Variants in MELK observed in about 807,000 individuals in gnomAD.
The protein encoded by MELK is pEg3 kinase.
A neutral mutation model predicts 85.0 loss-of-function variants in MELK; 81 were observed. The ratio of observed to expected loss-of-function variants is 0.95; its 90% CI spans 0.80 to 1.15. The LOEUF is 1.15. Ranked by LOEUF, MELK falls within the 50% of genes most tolerant of loss-of-function variation. The pLI, the probability that MELK is intolerant of heterozygous loss-of-function variation, is 0.00. For synonymous variants in MELK, 252 were observed against 265.0 expected (o/e 0.95, Z 0.48); for missense variants, 754 against 777.5 (o/e 0.97, Z 0.36).
At chr9:36,628,143 A>G (rs1301340394) in intron 8 of MELK, among the ~76,000 whole-genome samples, 3 of 151,890 alleles carry the variant, frequency 2.0e-5, no homozygotes, top group Non-Finnish European at 4.4e-5. Context: ...TCGGCCTTCC[A>G]AAGTGCTGGG....
Position 36,597,220 on chromosome 9 carries a change from A to G in MELK, c.406-2A>G. The G allele has an allele frequency of 6.2e-7, 1 of 1,611,940 alleles. No homozygotes were observed. The highest frequency in any genetic ancestry group is 8.5e-7 in the Non-Finnish European group (1 of 1,178,024). On this transcript the variant is annotated splice_acceptor_variant, in intron 5 of 17. Transcript: ENST00000298048. LOFTEE classifies it high-confidence loss of function. ...GTTATCAAAATATCTTTGTTTTCCC[A>G]GGAAAATTTGCTGTTTGATGAATAT...
chr9:36,620,138 C>T (rs1451662289), intron 8 of MELK, among the ~76,000 whole-genome samples: 2 of 152,164 alleles, frequency 1.3e-5, no homozygotes, highest in Non-Finnish European at 2.9e-5. Context: ...CCCTAGCAGT[C>T]AAGCTGGCAG....
At chr9:36,609,718 C>G (rs1273032429) in intron 8 of MELK, among the ~76,000 whole-genome samples, 1 of 152,142 alleles carries the variant, frequency 6.6e-6, no homozygotes, top group African/African-American at 2.4e-5. Flanking sequence ...TTGCAAAGTG[C>G]TGAGATTACA....
At chr9:36,657,538 G>A (rs1831373581) in intron 13 of MELK, among the ~76,000 whole-genome samples, 175 bp downstream of exon 13, 1 of 152,154 alleles carries the variant, frequency 6.6e-6, no homozygotes, top group African/African-American at 2.4e-5. Flanking sequence ...TATCCAAGTT[G>A]AAGAAAGCCA....
chr9:36,652,149 C>T (rs562393932), intron 12 of MELK, among the ~76,000 whole-genome samples: 5 of 142,406 alleles, frequency 3.5e-5, no homozygotes, highest in East Asian at 2.2e-4. Context: ...GGGATTCAAG[C>T]GATTCTTGTG....
intron 4 of MELK, among the ~76,000 whole-genome samples, chr9:36,590,520 C>T (rs1823429913): frequency 6.6e-6 from 1 of 152,172 alleles, no homozygotes; most frequent in African/African-American, 2.4e-5. Flanking sequence ...AGCTGTGTCT[C>T]TGTCCAAATG....
rs951521478 is a variant in MELK at position 36,630,364 on chromosome 9, G to T, written c.732G>T (p.Leu244=). ...PSSILLLQQM[L]QVDPKKRISM... ...GCATTCTGCTTCTTCAACAAATGCT[G>T]CAGGTAAACTTTATTTTTAAATAAT... The change falls in exon 9 of 18, where the codon CTG becomes CTT. Residue 244 remains leucine (L), a synonymous_variant. Transcript: ENST00000298048. The T allele has an allele frequency of 1.2e-6, 2 of 1,602,478 alleles. No individual in the cohort carries two copies. Among genetic ancestry groups the T allele is most frequent in the Non-Finnish European group, 1.7e-6 (2 of 1,171,408 alleles).
intron 14 of MELK, among the ~76,000 whole-genome samples, chr9:36,667,680 C>A (rs1471171807): frequency 2.0e-5 from 3 of 152,208 alleles, no homozygotes; most frequent in Non-Finnish European, 4.4e-5. Context: ...CTTAAGGAAG[C>A]AAGTGGCTGA....
At chr9:36,592,050 G>T (rs749656438) in intron 4 of MELK, among the ~76,000 whole-genome samples, 4 of 151,906 alleles carry the variant, frequency 2.6e-5, no homozygotes, top group Non-Finnish European at 5.9e-5. Flanking sequence ...GGGGGTCTTG[G>T]CCTGTTGCCC....
chr9:36,660,729 C>T (rs1023329144), intron 13 of MELK, among the ~76,000 whole-genome samples: 3 of 151,820 alleles, frequency 2.0e-5, no homozygotes, highest in African/African-American at 4.8e-5. Context: ...CAGTGGCTCA[C>T]GCCTGTAATC....
intron 8 of MELK, among the ~76,000 whole-genome samples, chr9:36,616,076 C>G (rs373680945): frequency 6.6e-6 from 1 of 152,078 alleles, no homozygotes. Flanking sequence ...CGGCGCTCGC[C>G]GGCGCGGTGG....
chr9:36,613,616 T>C (rs1315078007), intron 8 of MELK, among the ~76,000 whole-genome samples: 4 of 151,994 alleles, frequency 2.6e-5, no homozygotes, highest in African/African-American at 9.7e-5. Context: ...GGTTGCATGA[T>C]TAAATAAGGT....
chr9:36,641,785 T>A (rs1348454045), intron 10 of MELK, among the ~76,000 whole-genome samples: 2 of 151,964 alleles, frequency 1.3e-5, no homozygotes, highest in Non-Finnish European at 2.9e-5. Context: ...TTTTGTATTT[T>A]TAGTAGAGAC....
intron 10 of MELK, among the ~76,000 whole-genome samples, chr9:36,641,322 A>G (rs1476359855): frequency 1.3e-5 from 2 of 152,160 alleles, no homozygotes; most frequent in Non-Finnish European, 2.9e-5. Context: ...GGCACATACC[A>G]TCTCTCTCTA....
At chr9:36,674,319 G>A (rs1833149485) in intron 16 of MELK, among the ~76,000 whole-genome samples, 2 of 152,238 alleles carry the variant, frequency 1.3e-5, no homozygotes, top group South Asian at 4.2e-4. Flanking sequence ...TTTTTTAAAG[G>A]AATACCTGTT....
At chr9:36,615,299 A>ACCCCCCCACC (rs1826540095) in intron 8 of MELK, among the ~76,000 whole-genome samples, 1 of 77,152 alleles carries the variant, frequency 1.3e-5, no homozygotes, top group African/African-American at 6.4e-5. Flanking sequence ...CGGGGGGCTG[A>ACCCCCCCACC]TCCCCCCACC....
chr9:36,667,164 T>TA (rs1400322890), intron 14 of MELK, among the ~76,000 whole-genome samples: 18 of 151,932 alleles, frequency 1.2e-4, no homozygotes, highest in African/African-American at 4.1e-4. Context: ...CTTTTTTTTT[T>TA]AATTTCTTTG....
At position 36,651,755 on chromosome 9, in the gene MELK, GA is replaced by G. The variant is rs1480331304; in HGVS notation, c.932del (p.Asp311ValfsTer11). On this transcript the variant is annotated frameshift_variant, in exon 12 of 18. Coordinates refer to ENST00000298048, the MANE Select transcript of MELK (RefSeq NM_014791.4). LOFTEE classifies it high-confidence loss of function. Reference sequence around the variant, plus strand: ...TTTTCTTTTCCTTTAGTGGCAGTATGATCACCTCACGGCTACCTATCTTCTG... The same window carrying G: ...TTTTCTTTTCCTTTAGTGGCAGTATGTCACCTCACGGCTACCTATCTTCTG... ...MEDLISLWQY[D>X]HLTATYLLLL... 6.2e-7 allele frequency: 1 copy of G among 1,612,918 alleles called. No individual in the cohort carries two copies. Among genetic ancestry groups the G allele is most frequent in the Non-Finnish European group, 8.5e-7 (1 of 1,179,522 alleles).
At chr9:36,628,887 G>T (rs1383718725) in intron 8 of MELK, among the ~76,000 whole-genome samples, 2 of 132,520 alleles carry the variant, frequency 1.5e-5, no homozygotes, top group African/African-American at 3.0e-5. Context: ...TTTTTGAGAC[G>T]GAGTCTCGTT....
Sources: allele counts gnomAD v4.1 joint callset (sites outside exome capture counted in the v4.1 genomes callset), GRCh38; gene constraint gnomAD v4.1.1; transcripts MANE v1.5; gene names NCBI Gene and HGNC (gene_info 2026-07-23, HGNC 2026-07-21).